The following FBXL17 variants were observed in gnomAD, a reference collection of about 807,000 sequenced individuals.
The protein encoded by FBXL17 is F-box/LRR-repeat protein 17.
FBXL17 carries 22 observed loss-of-function variants against 66.2 expected under a neutral mutation model. That is an observed-to-expected ratio of 0.33 (90% CI 0.24 to 0.47). The LOEUF is 0.47. Among genes scored for constraint, FBXL17 ranks in the 20% least tolerant of loss-of-function variants. The probability of loss-of-function intolerance (pLI) is 1.00; values close to 1 mark genes in which losing one functional copy is unlikely to be tolerated. For missense variants in FBXL17, 878 were observed against 948.2 expected, an observed-to-expected ratio of 0.93 and a Z score of 0.97; for synonymous variants, 474 against 400.5, an observed-to-expected ratio of 1.18 and a Z score of -2.19.
chr5:108,126,834 A>G (rs1279745773), intron 6 of FBXL17, among the ~76,000 whole-genome samples: 1 of 151,840 alleles, frequency 6.6e-6, no homozygotes, highest in East Asian at 1.9e-4. Flanking sequence ...AGATACATTT[A>G]GCAAAAAAGA....
intron 4 of FBXL17, chr5:108,298,657 T>C (rs747581709): frequency 1.4e-4 from 123 of 878,866 alleles, no homozygotes; most frequent in Non-Finnish European, 1.7e-4. Flanking sequence ...GTTCATCCTT[T>C]GATATAGTAA....
At chr5:108,005,817 C>G (rs2112725311) in intron 7 of FBXL17, among the ~76,000 whole-genome samples, 1 of 152,300 alleles carries the variant, frequency 6.6e-6, no homozygotes, top group Non-Finnish European at 1.5e-5. Flanking sequence ...GTTGACTGTT[C>G]CAAGACATAT....
intron 4 of FBXL17, among the ~76,000 whole-genome samples, chr5:108,337,073 T>C (rs906144889): frequency 1.3e-5 from 2 of 151,870 alleles, no homozygotes; most frequent in Non-Finnish European, 2.9e-5. Flanking sequence ...CTGGCCAACA[T>C]GGTGAAACCC....
chr5:108,019,492 C>G (rs1219919754), intron 7 of FBXL17, among the ~76,000 whole-genome samples: 2 of 152,016 alleles, frequency 1.3e-5, no homozygotes, highest in Non-Finnish European at 2.9e-5. Flanking sequence ...TCCATAACTC[C>G]TGGCTATTAG....
intron 7 of FBXL17, among the ~76,000 whole-genome samples, chr5:108,006,712 G>C (rs1025648661): frequency 2.6e-5 from 4 of 152,160 alleles, no homozygotes; most frequent in African/African-American, 9.7e-5. Flanking sequence ...AGAAAAAGTA[G>C]GAAAGTCAAA....
intron 8 of FBXL17, among the ~76,000 whole-genome samples, chr5:107,863,236 A>G (rs1748179256): frequency 6.6e-6 from 1 of 151,492 alleles, no homozygotes; most frequent in African/African-American, 2.4e-5. Flanking sequence ...TCTAGAGTTC[A>G]GACAGCTTAT....
At chr5:108,114,721 A>G (rs1750174398) in intron 6 of FBXL17, among the ~76,000 whole-genome samples, 1 of 152,208 alleles carries the variant, frequency 6.6e-6, no homozygotes, top group Non-Finnish European at 1.5e-5. Flanking sequence ...GCCTGTAAAG[A>G]GAATTAGAGA....
intron 4 of FBXL17, among the ~76,000 whole-genome samples, chr5:108,271,814 G>T (rs1218934247): frequency 6.6e-6 from 1 of 152,144 alleles, no homozygotes; most frequent in Non-Finnish European, 1.5e-5. Context: ...ATTCTTGAAA[G>T]ATCTCCAAAA....
At position 107,860,046 on chromosome 5, in the gene FBXL17, C is replaced by A. The variant is rs1294044768; in HGVS notation, c.*1674G>T. The A allele has an allele frequency of 6.6e-6, 1 of 152,110 alleles. No homozygotes were observed. Among genetic ancestry groups the A allele is most frequent in the Non-Finnish European group, 1.5e-5 (1 of 68,008 alleles). 9.4% of individuals were successfully genotyped at this position (152,110 alleles called of 1,614,324 possible). Reference sequence around the variant, plus strand: ...GAAGAATACTCATGGCGCTTACTGACTAGATTTTCCTAACCGATTGGGATT... The same window carrying A: ...GAAGAATACTCATGGCGCTTACTGAATAGATTTTCCTAACCGATTGGGATT... On this transcript the variant is annotated 3_prime_UTR_variant, in exon 9 of 9. Transcript: ENST00000542267.
chr5:108,012,612 T>A (rs963911139), intron 7 of FBXL17, among the ~76,000 whole-genome samples: 5 of 152,208 alleles, frequency 3.3e-5, no homozygotes, highest in African/African-American at 1.2e-4. Context: ...TCTGAGTGAT[T>A]ATGCAAGACA....
intron 7 of FBXL17, among the ~76,000 whole-genome samples, chr5:107,989,486 G>A (rs933324859): frequency 2.0e-5 from 3 of 152,008 alleles, no homozygotes; most frequent in African/African-American, 4.8e-5. Flanking sequence ...TCTTTTTTAT[G>A]GCTGAATAAT....
chr5:108,119,455 A>G lies in FBXL17; in HGVS notation c.1745+66662T>C, dbSNP rs187456596. 5.6e-3 allele frequency among the ~76,000 whole-genome samples: 849 copies of G among 152,316 alleles called. 10 individuals carry two copies. Among genetic ancestry groups the G allele is most frequent in the African/African-American group, 0.019 (791 of 41,576 alleles). On this transcript the variant is annotated intron_variant, in intron 6 of 8. Transcript: ENST00000542267. ...CCCAGCCAGCTGTGAAGTTCTTCCT[A>G]GCCTTGCTCAGTTGGAAGCAGCATA... is the stretch of plus-strand genomic sequence containing the variant.
chr5:107,992,593 T>C (rs1753294254), intron 7 of FBXL17, among the ~76,000 whole-genome samples: 1 of 152,190 alleles, frequency 6.6e-6, no homozygotes, highest in South Asian at 2.1e-4. Flanking sequence ...ACAGGAAGAA[T>C]TATTTAAGTA....
chr5:108,256,284 A>G (rs1756574826), intron 4 of FBXL17, among the ~76,000 whole-genome samples: 1 of 152,222 alleles, frequency 6.6e-6, no homozygotes, highest in African/African-American at 2.4e-5. Context: ...AAGAAAATCA[A>G]TGCTTATCTT....
At chr5:108,218,398 A>G (rs943078670) in intron 5 of FBXL17, among the ~76,000 whole-genome samples, 1 of 152,156 alleles carries the variant, frequency 6.6e-6, no homozygotes, top group African/African-American at 2.4e-5. Flanking sequence ...AAGAGTGCAG[A>G]CATCTCTTCA....
chr5:107,999,503 T>G lies in FBXL17; in HGVS notation c.1822+21422A>C, dbSNP rs547158253. On this transcript the variant is annotated intron_variant, in intron 7 of 8. Transcript: ENST00000542267. ...CACACACCACACACACACATACAAA[T>G]TTTTAAAGTCAAATACTACAACTAG... Among the ~76,000 whole-genome samples the G allele has an allele frequency of 2.7e-5, 4 of 148,340 alleles. No homozygotes were observed. The South Asian group carries it at 8.6e-4, about 32-fold the overall frequency.
chr5:107,865,244 G>A (rs1192079642), intron 8 of FBXL17, among the ~76,000 whole-genome samples: 1 of 152,158 alleles, frequency 6.6e-6, no homozygotes, highest in Non-Finnish European at 1.5e-5. Context: ...TTGTTTTGGA[G>A]GGCCAATTAA....
At chr5:107,943,068 G>A (rs775839550) in intron 7 of FBXL17, among the ~76,000 whole-genome samples, 3 of 152,116 alleles carry the variant, frequency 2.0e-5, no homozygotes, top group Admixed American at 1.3e-4. Flanking sequence ...GCTTGCTCTT[G>A]CTGGCTCTTC....
At chr5:108,213,693 C>A (rs1364004327) in intron 5 of FBXL17, among the ~76,000 whole-genome samples, 3 of 152,202 alleles carry the variant, frequency 2.0e-5, no homozygotes, top group Admixed American at 2.0e-4. Flanking sequence ...CCTTCTCTAT[C>A]ATTTTCGCTG....
Sources: allele counts gnomAD v4.1 joint callset (sites outside exome capture counted in the v4.1 genomes callset), GRCh38; gene constraint gnomAD v4.1.1; transcripts MANE v1.5; gene names NCBI Gene and HGNC (gene_info 2026-07-23, HGNC 2026-07-21).